Variants in REDIC1 observed in about 807,000 individuals in gnomAD.
The protein encoded by REDIC1 is regulator of DNA class I crossover intermediates 1.
chr12:39,672,787 A>C, the REDIC1 span, among the ~76,000 whole-genome samples: 4 of 152,266 alleles, frequency 2.6e-5, no homozygotes, highest in East Asian at 7.7e-4. Flanking sequence ...GGAAAATGTC[A>C]GTGGGGCTCC....
At chr12:39,898,122 T>C in the REDIC1 span, among the ~76,000 whole-genome samples, 8 of 152,172 alleles carry the variant, frequency 5.3e-5, no homozygotes, top group Admixed American at 5.2e-4. Context: ...TAAAGCCTTC[T>C]GGTGAACATA....
the REDIC1 span, among the ~76,000 whole-genome samples, chr12:39,786,252 G>A: frequency 2.0e-5 from 3 of 152,086 alleles, no homozygotes; most frequent in African/African-American, 7.2e-5. Context: ...TCTTTCCCAT[G>A]CTATCCTCGT....
chr12:39,753,254 G>A, the REDIC1 span, among the ~76,000 whole-genome samples: 1 of 152,238 alleles, frequency 6.6e-6, no homozygotes, highest in East Asian at 1.9e-4. Context: ...TGCATTCAAA[G>A]CATCTATAGT....
chr12:39,706,189 A>C, the REDIC1 span, among the ~76,000 whole-genome samples: 4 of 152,064 alleles, frequency 2.6e-5, no homozygotes, highest in African/African-American at 9.7e-5. Flanking sequence ...TCTGAAAAAA[A>C]TTTTTAAAGT....
the REDIC1 span, among the ~76,000 whole-genome samples, chr12:39,780,601 A>G: frequency 1.3e-5 from 2 of 152,226 alleles, no homozygotes; most frequent in Non-Finnish European, 2.9e-5. Context: ...CAAAACAATA[A>G]TTAGAACAGA....
the REDIC1 span, among the ~76,000 whole-genome samples, chr12:39,711,219 T>A: frequency 9.3e-5 from 14 of 150,878 alleles, no homozygotes; most frequent in African/African-American, 3.2e-4. Context: ...GGCTGCGTTT[T>A]TAATCTACCA....
chr12:39,823,119 C>T, the REDIC1 span, among the ~76,000 whole-genome samples: 1,164 of 152,266 alleles, frequency 7.6e-3, 22 homozygotes, highest in African/African-American at 0.027. Flanking sequence ...CATGCAGCTA[C>T]AGATACTAAA....
chr12:39,861,811 A>C, the REDIC1 span, among the ~76,000 whole-genome samples: 1 of 152,196 alleles, frequency 6.6e-6, no homozygotes, highest in African/African-American at 2.4e-5. Context: ...AGCAACTTGC[A>C]TCTGTCTTTA....
the REDIC1 span, among the ~76,000 whole-genome samples, chr12:39,725,774 A>T: frequency 6.6e-6 from 1 of 151,610 alleles, no homozygotes; most frequent in African/African-American, 2.4e-5. Context: ...ATGTATAATT[A>T]TATAATTGAT....
the REDIC1 span, chr12:39,692,278 T>A: frequency 1.7e-6 from 1 of 597,972 alleles, no homozygotes; most frequent in Non-Finnish European, 2.6e-6. Context: ...TTTTATATTT[T>A]ATTAAATATA....
chr12:39,720,790 T>A, the REDIC1 span: 4 of 1,602,636 alleles, frequency 2.5e-6, no homozygotes, highest in African/African-American at 5.4e-5. Flanking sequence ...TTTTTAGCCA[T>A]CTGAAGATGA....
the REDIC1 span, among the ~76,000 whole-genome samples, chr12:39,807,434 C>T: frequency 6.6e-6 from 1 of 152,124 alleles, no homozygotes; most frequent in East Asian, 1.9e-4. Context: ...AGTTGTTATT[C>T]AGGGGAACTG....
chr12:39,734,728 C>G, the REDIC1 span, among the ~76,000 whole-genome samples: 412 of 152,270 alleles, frequency 2.7e-3, no homozygotes, highest in Non-Finnish European at 4.8e-3. Context: ...TTTCATTGAT[C>G]TATATATCTC....
chr12:39,642,097 AAAGT>A, the REDIC1 span, among the ~76,000 whole-genome samples: 4 of 151,656 alleles, frequency 2.6e-5, no homozygotes, highest in Non-Finnish European at 5.9e-5. Context: ...TTAGTTTCTG[AAAGT>A]TTTCTAGTTC....
the REDIC1 span, among the ~76,000 whole-genome samples, chr12:39,789,833 T>C: frequency 1.3e-5 from 2 of 152,184 alleles, no homozygotes; most frequent in Non-Finnish European, 2.9e-5. Flanking sequence ...GCCATTTGGG[T>C]ATCTGCTTTT....
chr12:39,694,915 C>A, the REDIC1 span, among the ~76,000 whole-genome samples: 5 of 152,134 alleles, frequency 3.3e-5, no homozygotes, highest in Non-Finnish European at 7.4e-5. Flanking sequence ...AGATTAGCCA[C>A]AGTAAGATAG....
the REDIC1 span, among the ~76,000 whole-genome samples, chr12:39,784,559 T>C: frequency 6.6e-6 from 1 of 152,310 alleles, no homozygotes; most frequent in Admixed American, 6.5e-5. Context: ...CCTTACACCT[T>C]ATACAAACAT....
chr12:39,703,083 G>C, the REDIC1 span, among the ~76,000 whole-genome samples: 2 of 152,162 alleles, frequency 1.3e-5, no homozygotes, highest in African/African-American at 4.8e-5. Context: ...GTTCTGGCCA[G>C]GGCAATTAGG....
At chr12:39,683,331 G>A in the REDIC1 span, 15 of 1,152,780 alleles carry the variant, frequency 1.3e-5, no homozygotes, top group South Asian at 4.0e-5. Context: ...TCCTCTGTAC[G>A]TGTCATGTGA....
Sources: allele counts gnomAD v4.1 joint callset (sites outside exome capture counted in the v4.1 genomes callset), GRCh38; gene constraint gnomAD v4.1.1; transcripts MANE v1.5; gene names NCBI Gene and HGNC (gene_info 2026-07-23, HGNC 2026-07-21).